ETFA: variants seen among roughly 807,000 people sequenced by gnomAD.
ETFA encodes electron transfer flavoprotein subunit alpha, mitochondrial.
In ETFA, 22 loss-of-function variants were observed where a neutral mutation model predicts 46.2. The ratio of observed to expected loss-of-function variants is 0.48; its 90% CI spans 0.34 to 0.68. ETFA has a LOEUF of 0.68. Among genes scored for constraint, ETFA ranks in the 30% least tolerant of loss-of-function variants. The probability of loss-of-function intolerance (pLI) is 0.01; values close to 1 mark genes in which losing one functional copy is unlikely to be tolerated. For synonymous variants in ETFA, 131 were observed against 139.9 expected, an observed-to-expected ratio of 0.94 and a Z score of 0.45; for missense variants, 345 against 401.1, an observed-to-expected ratio of 0.86 and a Z score of 1.19.
At chr15:76,244,689 GAAT>G (rs1236268271) in intron 9 of ETFA, among the ~76,000 whole-genome samples, 2 of 150,684 alleles carry the variant, frequency 1.3e-5, no homozygotes, top group East Asian at 1.9e-4. Flanking sequence ...AAATTACATA[GAAT>G]AAGAATAGAA....
chr15:76,306,304 T>C (rs1428360603), intron 1 of ETFA, among the ~76,000 whole-genome samples: 1 of 131,140 alleles, frequency 7.6e-6, no homozygotes, highest in Non-Finnish European at 1.6e-5. Context: ...TCTCGCTCAG[T>C]CGCCCAGACT....
At chr15:76,255,896 TCA>T (rs1411028743) in intron 9 of ETFA, among the ~76,000 whole-genome samples, 3 of 151,678 alleles carry the variant, frequency 2.0e-5, no homozygotes, top group Non-Finnish European at 4.4e-5. Flanking sequence ...GGCCACATAC[TCA>T]CAGTTTTTTG....
chr15:76,300,546 C>T (rs1341650643), intron 1 of ETFA, among the ~76,000 whole-genome samples: 5 of 152,132 alleles, frequency 3.3e-5, no homozygotes, highest in Admixed American at 3.3e-4. Context: ...TCCTCTATTA[C>T]CCCACAGAGT....
chr15:76,246,934 A>G (rs1473350643), intron 9 of ETFA, among the ~76,000 whole-genome samples: 1 of 152,230 alleles, frequency 6.6e-6, no homozygotes, highest in Non-Finnish European at 1.5e-5. Flanking sequence ...CATCCAAGAA[A>G]ATCTACAGAT....
In ETFA at chr15:76,230,175, T is replaced by A. The variant is rs373767047; in HGVS notation, c.882+1158A>T. 6.0e-5 allele frequency: 8 copies of A among 133,376 alleles called. No individual in the cohort carries two copies. The East Asian group carries it at 6.6e-4, about 11-fold the overall frequency. 8.3% of individuals were successfully genotyped at this position (133,376 alleles called of 1,614,324 possible). ...GAGACTCTTGTCTCAAAAAAATAAA[T>A]AAATAAATAAAAATCAAGTGTTTCC... On this transcript the variant is annotated intron_variant, in intron 10 of 11. Coordinates refer to ENST00000557943, the MANE Select transcript of ETFA (RefSeq NM_000126.4).
At chr15:76,287,153 C>T (rs955858633) in intron 5 of ETFA, among the ~76,000 whole-genome samples, 21 of 152,136 alleles carry the variant, frequency 1.4e-4, no homozygotes, top group Admixed American at 9.8e-4. Context: ...ACTGAAGAGA[C>T]ACTGAAATGA....
intron 8 of ETFA, among the ~76,000 whole-genome samples, chr15:76,280,514 T>C (rs2039637128): frequency 1.3e-5 from 2 of 152,158 alleles, no homozygotes; most frequent in Admixed American, 6.5e-5. Context: ...ACGACTGATA[T>C]AGCCTGCTAA....
chr15:76,234,388 T>C (rs913863349), intron 9 of ETFA, among the ~76,000 whole-genome samples: 1 of 152,168 alleles, frequency 6.6e-6, no homozygotes, highest in Non-Finnish European at 1.5e-5. Context: ...ATAATTAGTA[T>C]ACACAAAACT....
At position 76,216,290 on chromosome 15, in the gene ETFA, C is replaced by T; in HGVS notation, c.*269G>A. ...TTTTCTCTAGAGGCTAGGCATATTT[C>T]TGATAGTTTTAAAGCTGTGGAAAAG... On this transcript the variant is annotated 3_prime_UTR_variant, in exon 12 of 12. Coordinates refer to ENST00000557943, the MANE Select transcript of ETFA (RefSeq NM_000126.4). 1 of 366,054 alleles carries T rather than the reference C, an allele frequency of 2.7e-6. No individual in the cohort carries two copies. The highest frequency in any genetic ancestry group is 4.5e-5 in the Admixed American group (1 of 22,206). The allele number at this position is 366,054 out of a possible 1,614,324, so 22.7% of individuals were successfully genotyped here.
At chr15:76,259,470 T>C in intron 9 of ETFA, 1 of 884,034 alleles carries the variant, frequency 1.1e-6, no homozygotes, top group Non-Finnish European at 1.9e-6. Flanking sequence ...TTTCAGGTGA[T>C]TCCCGCCAAT....
intron 8 of ETFA, among the ~76,000 whole-genome samples, chr15:76,274,730 T>C (rs1477712993): frequency 1.3e-5 from 2 of 152,206 alleles, no homozygotes; most frequent in African/African-American, 4.8e-5. Flanking sequence ...CACTATAATG[T>C]TTAGAATGTC....
chr15:76,288,014 G>T, intron 4 of ETFA, 69 bp from the exon 5 acceptor site: 3 of 986,714 alleles, frequency 3.0e-6, no homozygotes, highest in South Asian at 1.3e-5. Context: ...GATCAGTAAT[G>T]ACATATTCTA....
chr15:76,303,045 C>T (rs1247091289), intron 1 of ETFA, among the ~76,000 whole-genome samples: 1 of 152,148 alleles, frequency 6.6e-6, no homozygotes, highest in Non-Finnish European at 1.5e-5. Context: ...TGGCTCACAC[C>T]TGCAATCCCA....
chr15:76,286,424 C>T lies in ETFA; in HGVS notation c.509G>A (p.Gly170Glu), dbSNP rs780998008. The T allele has an allele frequency of 5.0e-6, 8 of 1,613,792 alleles. No homozygotes were observed. Among genetic ancestry groups the T allele is most frequent in the Middle Eastern group, 3.3e-4 (2 of 6,062 alleles). ...DEKVKVFSVR[G>E]TSFDAAATSG... ...TGTTGCTGCAGCATCAAAGGATGTT[C>T]CACGGACAGAAAACACTTTCACTTT... Residue 170 changes from glycine (G) to glutamate (E), a missense_variant, in exon 6 of 12, where the codon GGA becomes GAA. Physicochemically the swap from Gly to Glu is moderately conservative, Grantham distance 98. Transcript: ENST00000557943.
At chr15:76,240,704 T>C (rs1201601599) in intron 9 of ETFA, among the ~76,000 whole-genome samples, 8 of 152,016 alleles carry the variant, frequency 5.3e-5, no homozygotes, top group East Asian at 1.9e-4. Flanking sequence ...GCAAGATGTA[T>C]AGGACCTGAA....
In ETFA at chr15:76,295,627, T is replaced by C. The variant is rs1264487438; in HGVS notation, c.150A>G (p.Glu50=). The stretch of plus-strand genomic sequence containing the variant: ...TGGTTCCAGCTACTAAGCAGGACAC[T>C]TCACCTCCAAGGCGTGTGGCTGCAG... ...TITAATRLGG[E]VSCLVAGTKC... The change falls in exon 2 of 12, where the codon GAA becomes GAG. Residue 50 remains glutamate (E), a synonymous_variant. Coordinates refer to ENST00000557943, the MANE Select transcript of ETFA (RefSeq NM_000126.4). The C allele has an allele frequency of 6.2e-7, 1 of 1,613,898 alleles. No individual in the cohort carries two copies. The highest frequency in any genetic ancestry group is 8.5e-7 in the Non-Finnish European group (1 of 1,179,858).
At chr15:76,233,715 A>G (rs2039093649) in intron 9 of ETFA, among the ~76,000 whole-genome samples, 1 of 152,252 alleles carries the variant, frequency 6.6e-6, no homozygotes, top group Non-Finnish European at 1.5e-5. Context: ...TAATCAAAAT[A>G]TACTAACATT....
chr15:76,304,876 C>G (rs2039923314), intron 1 of ETFA, among the ~76,000 whole-genome samples: 1 of 151,904 alleles, frequency 6.6e-6, no homozygotes, highest in South Asian at 2.1e-4. Context: ...AACCCCGTCT[C>G]TACTAAAAAT....
intron 9 of ETFA, among the ~76,000 whole-genome samples, chr15:76,241,238 T>C (rs1008764117): frequency 4.6e-5 from 7 of 151,890 alleles, no homozygotes; most frequent in Admixed American, 1.3e-4. Context: ...CAGTGGCTCA[T>C]GCCTGTAATC....
Sources: allele counts gnomAD v4.1 joint callset (sites outside exome capture counted in the v4.1 genomes callset), GRCh38; gene constraint gnomAD v4.1.1; transcripts MANE v1.5; gene names NCBI Gene and HGNC (gene_info 2026-07-23, HGNC 2026-07-21).